Variants in LAMA2 observed in about 807,000 individuals in gnomAD.
LAMA2 encodes laminin subunit alpha-2.
In LAMA2, 269 loss-of-function variants were observed where a neutral mutation model predicts 364.8. That is an observed-to-expected ratio of 0.74 (90% confidence interval 0.67 to 0.82). The LOEUF is 0.82. Ranked by LOEUF, LAMA2 falls within the 40% of genes least tolerant of loss-of-function variation. The probability of loss-of-function intolerance (pLI) is 0.00; values close to 1 mark genes in which losing one functional copy is unlikely to be tolerated. For synonymous variants in LAMA2, 1,379 were observed against 1,370.6 expected (o/e 1.01, Z -0.14); for missense variants, 3,807 against 3,873.2 (o/e 0.98, Z 0.45).
At chr6:129,301,179 G>T (rs533437374) in intron 22 of LAMA2, among the ~76,000 whole-genome samples, 18 of 152,206 alleles carry the variant, frequency 1.2e-4, no homozygotes, top group African/African-American at 4.3e-4. Flanking sequence ...CATGTGCAAA[G>T]TATGAGGATA....
At position 129,392,981 on chromosome 6, in the gene LAMA2, A is replaced by T. The variant is rs962008783; in HGVS notation, c.5235-64A>T. 3.6e-5 allele frequency: 45 copies of T among 1,252,306 alleles called. No homozygotes were observed. The African/African-American group carries it at 6.1e-4, about 17-fold the overall frequency. The allele number at this position is 1,252,306 out of a possible 1,614,324, so 77.6% of individuals were successfully genotyped here. On this transcript the variant is annotated intron_variant, in intron 36 of 64. Transcript: ENST00000421865. ...GCATCTCTTTGTAACATGGTTTAAT[A>T]CCAATAAACCCTAAGGCAGTGACAT...
At chr6:129,459,276 A>G (rs1452527165) in intron 48 of LAMA2, among the ~76,000 whole-genome samples, 1 of 152,114 alleles carries the variant, frequency 6.6e-6, no homozygotes, top group Non-Finnish European at 1.5e-5. Context: ...ACAGTATTAT[A>G]ATTTTATGGA....
rs564131143 is a variant in LAMA2 at position 129,514,689 on chromosome 6, T to C, written c.9211+94T>C. On this transcript the variant is annotated intron_variant, in intron 64 of 64. Coordinates refer to ENST00000421865, the MANE Select transcript of LAMA2 (RefSeq NM_000426.4). Reference sequence around the variant, plus strand: ...TTTACGTGTGTCTAAGAATGTGTGCTTATGTGTACTTGCTTCCTAGCTTTA... The same window carrying C: ...TTTACGTGTGTCTAAGAATGTGTGCCTATGTGTACTTGCTTCCTAGCTTTA... 3.3e-5 allele frequency: 32 copies of C among 961,520 alleles called. 1 individual carries two copies. Among genetic ancestry groups the C allele is most frequent in the African/African-American group, 1.6e-4 (10 of 62,028 alleles). 59.6% of individuals were successfully genotyped at this position (961,520 alleles called of 1,614,324 possible).
chr6:129,428,105 T>TAATA (rs1446618671), intron 41 of LAMA2, among the ~76,000 whole-genome samples: 2 of 152,192 alleles, frequency 1.3e-5, no homozygotes, highest in African/African-American at 4.8e-5. Context: ...ATCTAATGTA[T>TAATA]AGTAACTTTT....
At chr6:129,392,111 G>T (rs1779356312) in intron 36 of LAMA2, among the ~76,000 whole-genome samples, 2 of 152,102 alleles carry the variant, frequency 1.3e-5, no homozygotes, top group Non-Finnish European at 2.9e-5. Flanking sequence ...CTTAAGAAAT[G>T]CTGAAAAGAA....
At position 129,503,082 on chromosome 6, in the gene LAMA2, G is replaced by A. The variant is rs1350318601; in HGVS notation, c.8358-9G>A. 5.0e-6 allele frequency: 8 copies of A among 1,613,514 alleles called. No homozygotes were observed. The highest frequency in any genetic ancestry group is 5.9e-6 in the Non-Finnish European group (7 of 1,179,464). ...TTTCTGTTTGACTTTGCATGCTTTTGTTTCACAGTCTCACAATTGAGTTGG... is the reference window on the plus strand; with the variant it reads ...TTTCTGTTTGACTTTGCATGCTTTTATTTCACAGTCTCACAATTGAGTTGG... On this transcript the variant is annotated splice_polypyrimidine_tract_variant and intron_variant, in intron 59 of 64. Transcript: ENST00000421865.
intron 29 of LAMA2, among the ~76,000 whole-genome samples, chr6:129,338,517 G>C (rs1202038644): frequency 6.6e-6 from 1 of 152,084 alleles, no homozygotes; most frequent in Non-Finnish European, 1.5e-5. Flanking sequence ...AGAGGATTAT[G>C]GCACTTAAAT....
chr6:129,176,376 G>T (rs1387438563), intron 9 of LAMA2, among the ~76,000 whole-genome samples: 1 of 151,784 alleles, frequency 6.6e-6, no homozygotes. Flanking sequence ...TGATAATTGA[G>T]TATTTTTTAT....
intron 12 of LAMA2, among the ~76,000 whole-genome samples, chr6:129,214,118 A>C (rs1783274414): frequency 6.6e-6 from 1 of 152,182 alleles, no homozygotes; most frequent in African/African-American, 2.4e-5. Flanking sequence ...ACCTGAGACT[A>C]GGTAATTTAT....
At chr6:128,980,518 G>A (rs1046179185) in intron 1 of LAMA2, among the ~76,000 whole-genome samples, 1 of 152,056 alleles carries the variant, frequency 6.6e-6, no homozygotes, top group African/African-American at 2.4e-5. Context: ...TGTGTGTGTG[G>A]AACATTTCTC....
intron 12 of LAMA2, among the ~76,000 whole-genome samples, chr6:129,210,635 T>C (rs1783035383): frequency 6.6e-6 from 1 of 152,212 alleles, no homozygotes. Context: ...TTTCGCTGTT[T>C]GAGCTCTGCT....
chr6:129,072,831 A>G (rs879321227), intron 3 of LAMA2, among the ~76,000 whole-genome samples: 1 of 152,110 alleles, frequency 6.6e-6, no homozygotes, highest in Admixed American at 6.6e-5. Context: ...ATTTAATTCT[A>G]TAGTTCTCAT....
At chr6:129,483,067 GAAAAAA>G (rs60077511) in intron 55 of LAMA2, among the ~76,000 whole-genome samples, 1 of 102,840 alleles carries the variant, frequency 9.7e-6, no homozygotes, top group Non-Finnish European at 2.2e-5. Context: ...ACTCCGACTC[GAAAAAA>G]AAAAAAAAAG....
At chr6:128,893,485 C>G (rs1776587682) in intron 1 of LAMA2, among the ~76,000 whole-genome samples, 1 of 150,314 alleles carries the variant, frequency 6.7e-6, no homozygotes, top group Non-Finnish European at 1.5e-5. Context: ...TTTCAAGGAC[C>G]CATGACACAT....
chr6:129,365,821 G>T (rs1481449908), intron 32 of LAMA2, among the ~76,000 whole-genome samples: 2 of 152,202 alleles, frequency 1.3e-5, no homozygotes, highest in East Asian at 3.9e-4. Context: ...TTAGACTCTG[G>T]AGCATGTTTT....
chr6:129,226,635 T>C (rs1433720023), intron 12 of LAMA2, among the ~76,000 whole-genome samples: 2 of 152,002 alleles, frequency 1.3e-5, no homozygotes, highest in African/African-American at 2.4e-5. Flanking sequence ...AAAATTCTTT[T>C]CTTTAAGAAT....
At chr6:129,135,527 A>G (rs1309766797) in intron 4 of LAMA2, among the ~76,000 whole-genome samples, 1 of 152,228 alleles carries the variant, frequency 6.6e-6, no homozygotes, top group Non-Finnish European at 1.5e-5. Context: ...TGCAAGAATA[A>G]CTACTATTGT....
chr6:128,974,754 C>G (rs1224626516), intron 1 of LAMA2, among the ~76,000 whole-genome samples: 1 of 152,106 alleles, frequency 6.6e-6, no homozygotes, highest in Non-Finnish European at 1.5e-5. Context: ...CAGTATATAG[C>G]TTTCAAGCCA....
intron 9 of LAMA2, among the ~76,000 whole-genome samples, chr6:129,176,579 T>C (rs915427759): frequency 3.3e-5 from 5 of 152,140 alleles, no homozygotes; most frequent in African/African-American, 1.2e-4. Context: ...CACATATTTT[T>C]GTACTGATAA....
Sources: allele counts gnomAD v4.1 joint callset (sites outside exome capture counted in the v4.1 genomes callset), GRCh38; gene constraint gnomAD v4.1.1; transcripts MANE v1.5; gene names NCBI Gene and HGNC (gene_info 2026-07-23, HGNC 2026-07-21).